PPFIA2: variants seen among roughly 807,000 people sequenced by gnomAD.
The protein encoded by PPFIA2 is PPFI scaffold protein A2.
PPFIA2 carries 46 observed loss-of-function variants against 175.5 expected under a neutral mutation model. The ratio of observed to expected loss-of-function variants is 0.26; its 90% confidence interval spans 0.21 to 0.34. The LOEUF is 0.34. PPFIA2 is among the 10% of genes least tolerant of loss of function. The pLI, the probability that PPFIA2 is intolerant of heterozygous loss-of-function variation, is 1.00. For synonymous variants in PPFIA2, 568 were observed against 511.4 expected, an observed-to-expected ratio of 1.11 and a Z score of -1.49; for missense variants, 1,179 against 1,506.1, an observed-to-expected ratio of 0.78 and a Z score of 3.60.
chr12:81,489,551 T>C (rs576632409), intron 4 of PPFIA2, among the ~76,000 whole-genome samples: 2 of 151,788 alleles, frequency 1.3e-5, no homozygotes, highest in Non-Finnish European at 2.9e-5. Context: ...TCCCTACTTT[T>C]CTCTTAGTTA....
chr12:81,583,062 G>A (rs915356173), intron 4 of PPFIA2, among the ~76,000 whole-genome samples: 1 of 151,834 alleles, frequency 6.6e-6, no homozygotes, highest in East Asian at 1.9e-4. Context: ...CGTGGCATCT[G>A]CCAATACGTA....
At chr12:81,651,199 A>T in intron 4 of PPFIA2, among the ~76,000 whole-genome samples, 1 of 152,334 alleles carries the variant, frequency 6.6e-6, no homozygotes, top group East Asian at 1.9e-4. Context: ...ATTCCAAAGC[A>T]GAGAAAAGTG....
intron 8 of PPFIA2, among the ~76,000 whole-genome samples, chr12:81,388,342 CAATG>C (rs1436963149): frequency 3.3e-5 from 5 of 152,088 alleles, no homozygotes; most frequent in Non-Finnish European, 7.4e-5. Context: ...CTCTCCAATA[CAATG>C]AATGAATCAC....
chr12:81,607,106 G>A (rs1237650567), intron 4 of PPFIA2, among the ~76,000 whole-genome samples: 5 of 151,886 alleles, frequency 3.3e-5, no homozygotes, highest in African/African-American at 7.2e-5. Flanking sequence ...CAGCCTCATC[G>A]AAGATCTGAT....
chr12:81,296,503 T>C (rs1298104570), intron 23 of PPFIA2: 2 of 152,104 alleles, frequency 1.3e-5, no homozygotes, highest in African/African-American at 4.8e-5. Flanking sequence ...AGGAATATTC[T>C]CCCATTTTCC....
At chr12:81,459,400 T>G (rs1448514318) in intron 4 of PPFIA2, among the ~76,000 whole-genome samples, 1 of 152,114 alleles carries the variant, frequency 6.6e-6, no homozygotes, top group Non-Finnish European at 1.5e-5. Flanking sequence ...TCAGAAAAAA[T>G]CTTATACTTA....
At chr12:81,310,608 T>C (rs117551603) in intron 22 of PPFIA2, among the ~76,000 whole-genome samples, 1,627 of 152,262 alleles carry the variant, frequency 0.011, 13 homozygotes, top group Non-Finnish European at 0.018. Flanking sequence ...CAGAAGACAA[T>C]TTATATGATG....
At position 81,259,262 on chromosome 12, in the gene PPFIA2, G is replaced by A. The variant is rs1162320378; in HGVS notation, c.*432C>T. ...TTGGAATTGTCAAATGTTTGCACTCGAGACTCCATGAACCATATATTTTAT... is the reference window on the plus strand; with the variant it reads ...TTGGAATTGTCAAATGTTTGCACTCAAGACTCCATGAACCATATATTTTAT... On this transcript the variant is annotated 3_prime_UTR_variant, in exon 33 of 33. Coordinates refer to ENST00000549396, the MANE Select transcript of PPFIA2 (RefSeq NM_003625.5). 7 of 281,140 alleles carry A rather than the reference G, an allele frequency of 2.5e-5. No homozygotes were observed. The East Asian group carries it at 3.1e-4, about 12-fold the overall frequency. The allele number at this position is 281,140 out of a possible 1,614,324, so 17.4% of individuals were successfully genotyped here. A position where few individuals can be genotyped will look rare whatever the true frequency, so the allele number is the denominator to read the frequency against.
At chr12:81,329,227 AC>A (rs1015237536) in intron 21 of PPFIA2, among the ~76,000 whole-genome samples, 3 of 151,962 alleles carry the variant, frequency 2.0e-5, no homozygotes, top group African/African-American at 7.3e-5. Flanking sequence ...AATGAACTCC[AC>A]CCCTTTCATG....
chr12:81,641,945 A>G (rs1037653072), intron 4 of PPFIA2, among the ~76,000 whole-genome samples: 5 of 152,182 alleles, frequency 3.3e-5, no homozygotes, highest in Admixed American at 2.6e-4. Flanking sequence ...CTTGCATACT[A>G]TATTTTAACA....
At chr12:81,652,988 T>A (rs1027709043) in intron 4 of PPFIA2, among the ~76,000 whole-genome samples, 17 of 152,004 alleles carry the variant, frequency 1.1e-4, no homozygotes, top group Admixed American at 4.6e-4. Context: ...ATCCAACCCA[T>A]CAGCAAGTCC....
intron 4 of PPFIA2, among the ~76,000 whole-genome samples, chr12:81,504,121 A>G (rs2060884841): frequency 1.3e-5 from 2 of 152,052 alleles, no homozygotes; most frequent in African/African-American, 4.8e-5. Context: ...GGTATTTCCC[A>G]TATATTTAAA....
intron 4 of PPFIA2, among the ~76,000 whole-genome samples, chr12:81,524,850 C>T (rs2063562895): frequency 6.6e-6 from 1 of 152,066 alleles, no homozygotes; most frequent in South Asian, 2.1e-4. Context: ...AGAAATGAAG[C>T]CTTTGTGAGG....
chr12:81,703,771 C>A (rs1336518773), intron 3 of PPFIA2, among the ~76,000 whole-genome samples: 2 of 152,084 alleles, frequency 1.3e-5, no homozygotes, highest in Admixed American at 1.3e-4. Context: ...ATGCACCGAG[C>A]ATCTTCCTAA....
At chr12:81,303,741 C>CATACAAACTGA (rs1363607170) in intron 22 of PPFIA2, among the ~76,000 whole-genome samples, 2 of 152,244 alleles carry the variant, frequency 1.3e-5, no homozygotes, top group Middle Eastern at 3.4e-3. Flanking sequence ...GAACTGAAGA[C>CATACAAACTGA]AGGAGCAAAC....
intron 4 of PPFIA2, among the ~76,000 whole-genome samples, chr12:81,519,521 C>A (rs1394832880): frequency 6.6e-6 from 1 of 152,168 alleles, no homozygotes; most frequent in East Asian, 1.9e-4. Flanking sequence ...TGCAATAGGA[C>A]AGCCTATAGG....
chr12:81,568,296 A>C (rs1242110190), intron 4 of PPFIA2, among the ~76,000 whole-genome samples: 1 of 152,162 alleles, frequency 6.6e-6, no homozygotes, highest in Non-Finnish European at 1.5e-5. Context: ...GAGGCCTAGA[A>C]TGTGCTATCT....
At chr12:81,645,437 C>T (rs766047701) in intron 4 of PPFIA2, among the ~76,000 whole-genome samples, 6 of 151,734 alleles carry the variant, frequency 4.0e-5, no homozygotes, top group Non-Finnish European at 8.8e-5. Flanking sequence ...TTTCTGGTAA[C>T]CACCTAAAGG....
At chr12:81,379,295 C>A (rs918101546) in intron 9 of PPFIA2, among the ~76,000 whole-genome samples, 1 of 152,068 alleles carries the variant, frequency 6.6e-6, no homozygotes, top group Non-Finnish European at 1.5e-5. Flanking sequence ...GATCTCTTGA[C>A]CTGAAGTTCA....
Sources: gnomAD v4.1 joint callset for allele counts (sites outside exome capture counted in the v4.1 genomes callset) on GRCh38, gnomAD v4.1.1 for gene constraint, MANE v1.5 for transcripts, NCBI Gene and HGNC (gene_info 2026-07-23, HGNC 2026-07-21) for gene names.